The following MDGA2 variants were observed in gnomAD, a reference collection of about 807,000 sequenced individuals.
MDGA2 encodes MAM domain containing glycosylphosphatidylinositol anchor 2.
A neutral mutation model predicts 117.8 loss-of-function variants in MDGA2; 40 were observed. The ratio of observed to expected loss-of-function variants is 0.34; its 90% confidence interval spans 0.26 to 0.44. The LOEUF (loss-of-function observed/expected upper bound fraction) is 0.44, where lower values mean the gene tolerates loss of function less well. MDGA2 is among the 20% of genes least tolerant of loss of function. The pLI, the probability that MDGA2 is intolerant of heterozygous loss-of-function variation, is 1.00. For missense variants in MDGA2, 1,123 were observed against 1,250.6 expected (o/e 0.90, Z 1.54); for synonymous variants, 452 against 439.0 (o/e 1.03, Z -0.37).
At chr14:46,968,835 T>TAA (rs759219093) in intron 8 of MDGA2, among the ~76,000 whole-genome samples, 69 of 105,818 alleles carry the variant, frequency 6.5e-4, no homozygotes, top group African/African-American at 1.9e-3. Flanking sequence ...AGACTCTGTC[T>TAA]AAAAAAAAAA....
At chr14:47,501,867 C>T (rs997355335) in intron 1 of MDGA2, among the ~76,000 whole-genome samples, 2 of 152,212 alleles carry the variant, frequency 1.3e-5, no homozygotes, top group Non-Finnish European at 2.9e-5. Context: ...TAAGCCATCT[C>T]GTTTATAGTA....
chr14:47,669,018 A>G (rs2138313532), intron 1 of MDGA2, among the ~76,000 whole-genome samples: 1 of 152,286 alleles, frequency 6.6e-6, no homozygotes, highest in South Asian at 2.1e-4. Flanking sequence ...ACCCAAAACC[A>G]TGGTTCCTGA....
chr14:47,116,455 C>T (rs2139080373), intron 5 of MDGA2, among the ~76,000 whole-genome samples: 1 of 152,128 alleles, frequency 6.6e-6, no homozygotes, highest in East Asian at 1.9e-4. Flanking sequence ...ATAGCCAAAT[C>T]AATCTTGAGG....
intron 1 of MDGA2, among the ~76,000 whole-genome samples, chr14:47,649,714 A>AC (rs1897602970): frequency 6.9e-6 from 1 of 144,882 alleles, no homozygotes; most frequent in Non-Finnish European, 1.5e-5. Flanking sequence ...ACAAAACAAA[A>AC]AAACCCCACA....
intron 7 of MDGA2, among the ~76,000 whole-genome samples, chr14:47,047,061 C>T (rs943019567): frequency 6.6e-6 from 1 of 152,090 alleles, no homozygotes; most frequent in African/African-American, 2.4e-5. Flanking sequence ...AGGGGCAAGA[C>T]TGATAAATTT....
chr14:47,663,890 T>C (rs1897894965), intron 1 of MDGA2, among the ~76,000 whole-genome samples: 2 of 147,902 alleles, frequency 1.4e-5, no homozygotes, highest in South Asian at 2.1e-4. Context: ...ATGAAGACTA[T>C]TAATTAGTCT....
chr14:47,117,384 C>T (rs1881389075), intron 5 of MDGA2, among the ~76,000 whole-genome samples: 1 of 152,030 alleles, frequency 6.6e-6, no homozygotes, highest in Admixed American at 6.6e-5. Flanking sequence ...CCCAGTAATC[C>T]TACTTCCAGG....
chr14:46,964,928 T>TGA (rs1566549180), intron 8 of MDGA2, among the ~76,000 whole-genome samples: 4 of 105,654 alleles, frequency 3.8e-5, no homozygotes, highest in African/African-American at 1.1e-4. Context: ...ACTTTTTTTT[T>TGA]TTTTTTTTTT....
intron 8 of MDGA2, among the ~76,000 whole-genome samples, chr14:46,980,679 C>T (rs550789392): frequency 6.6e-6 from 1 of 152,142 alleles, no homozygotes; most frequent in African/African-American, 2.4e-5. Flanking sequence ...CCTTCAGTAA[C>T]CACCACCGCA....
At chr14:47,099,992 A>G (rs986198482) in intron 5 of MDGA2, among the ~76,000 whole-genome samples, 1 of 152,014 alleles carries the variant, frequency 6.6e-6, no homozygotes, top group Non-Finnish European at 1.5e-5. Context: ...TGAATAAGTG[A>G]GTAACTACTA....
chr14:47,152,287 C>T (rs1883192222), intron 3 of MDGA2, among the ~76,000 whole-genome samples: 1 of 152,056 alleles, frequency 6.6e-6, no homozygotes, highest in South Asian at 2.1e-4. Context: ...TATCTACTTG[C>T]CCAGTTTTAC....
At chr14:47,553,334 A>G (rs908152456) in intron 1 of MDGA2, among the ~76,000 whole-genome samples, 31 of 152,236 alleles carry the variant, frequency 2.0e-4, no homozygotes, top group African/African-American at 6.8e-4. Context: ...AACTATGGCT[A>G]TGACATGTGA....
intron 4 of MDGA2, among the ~76,000 whole-genome samples, chr14:47,139,819 C>CAT (rs1220930161): frequency 1.1e-4 from 15 of 141,870 alleles, no homozygotes; most frequent in South Asian, 4.3e-4. Flanking sequence ...TATATACACA[C>CAT]ATATATATAC....
At chr14:47,152,112 A>G (rs1487786399) in intron 3 of MDGA2, among the ~76,000 whole-genome samples, 1 of 152,184 alleles carries the variant, frequency 6.6e-6, no homozygotes, top group Non-Finnish European at 1.5e-5. Context: ...AAATTAATGT[A>G]ATATATGCTG....
intron 3 of MDGA2, among the ~76,000 whole-genome samples, chr14:47,188,173 C>G (rs1884980354): frequency 6.6e-6 from 1 of 152,126 alleles, no homozygotes; most frequent in Admixed American, 6.6e-5. Context: ...TTGCCTCTAT[C>G]TGATAGTCAT....
chr14:46,874,759 AT>A (rs1333440391), intron 12 of MDGA2, among the ~76,000 whole-genome samples: 8 of 151,868 alleles, frequency 5.3e-5, no homozygotes, highest in South Asian at 2.1e-4. Context: ...GGTTTCCCAG[AT>A]ACTTGAACTT....
At chr14:47,486,084 T>A (rs1006232100) in intron 1 of MDGA2, among the ~76,000 whole-genome samples, 2 of 152,150 alleles carry the variant, frequency 1.3e-5, no homozygotes, top group Non-Finnish European at 2.9e-5. Context: ...GCCTGCATCA[T>A]GCGCCTGGAA....
intron 1 of MDGA2, among the ~76,000 whole-genome samples, chr14:47,518,265 C>T (rs1894795697): frequency 6.6e-6 from 1 of 152,092 alleles, no homozygotes; most frequent in Admixed American, 6.6e-5. Flanking sequence ...GTTCACCAGG[C>T]TTCACAGATA....
At chr14:47,225,526 T>C (rs916567725) in intron 2 of MDGA2, among the ~76,000 whole-genome samples, 6 of 139,524 alleles carry the variant, frequency 4.3e-5, no homozygotes, top group Non-Finnish European at 7.7e-5. Flanking sequence ...ATGGATGAAA[T>C]TGGAAATCAT....
Sources: allele counts gnomAD v4.1 joint callset (sites outside exome capture counted in the v4.1 genomes callset), GRCh38; gene constraint gnomAD v4.1.1; transcripts MANE v1.5; gene names NCBI Gene and HGNC (gene_info 2026-07-23, HGNC 2026-07-21).